The following ZNF516 variants were observed in gnomAD, a reference collection of about 807,000 sequenced individuals.
ZNF516 encodes zinc finger protein 516.
ZNF516 carries 19 observed loss-of-function variants against 79.7 expected under a neutral mutation model. The ratio of observed to expected loss-of-function variants is 0.24; its 90% CI spans 0.17 to 0.35. The LOEUF (loss-of-function observed/expected upper bound fraction) is 0.35. ZNF516 is among the 10% of genes least tolerant of loss of function. The pLI, the probability that ZNF516 is intolerant of heterozygous loss-of-function variation, is 1.00. For synonymous variants in ZNF516, 877 were observed against 739.5 expected (o/e 1.19, Z -3.02); for missense variants, 1,678 against 1,679.5 (o/e 1.00, Z 0.02).
At chr18:76,472,077 T>C (rs1259495559) in intron 1 of ZNF516, among the ~76,000 whole-genome samples, 1 of 152,104 alleles carries the variant, frequency 6.6e-6, no homozygotes, top group East Asian at 1.9e-4. Flanking sequence ...AGCCCAGAGC[T>C]CCATCCTCTT....
At chr18:76,489,660 T>C (rs1362488863) in intron 1 of ZNF516, among the ~76,000 whole-genome samples, 1 of 151,466 alleles carries the variant, frequency 6.6e-6, no homozygotes, top group Non-Finnish European at 1.5e-5. Context: ...TCTAAATTAG[T>C]AGACTCTGAA....
chr18:76,479,929 T>C (rs1424628275), intron 1 of ZNF516, among the ~76,000 whole-genome samples: 1 of 151,928 alleles, frequency 6.6e-6, no homozygotes, highest in Non-Finnish European at 1.5e-5. Context: ...CCAGAGACAG[T>C]TTTAAAGCAA....
intron 1 of ZNF516, among the ~76,000 whole-genome samples, chr18:76,468,183 G>T (rs1424489130): frequency 6.6e-6 from 1 of 152,170 alleles, no homozygotes. Flanking sequence ...TGTTTTTTAT[G>T]TTTATCTGAA....
intron 6 of ZNF516, among the ~76,000 whole-genome samples, chr18:76,365,061 C>T (rs1369996193): frequency 6.6e-6 from 1 of 152,192 alleles, no homozygotes; most frequent in Non-Finnish European, 1.5e-5. Flanking sequence ...ATAGATTATG[C>T]ATATATTCAA....
chr18:76,434,580 C>T (rs2075705316), intron 3 of ZNF516, among the ~76,000 whole-genome samples: 1 of 152,222 alleles, frequency 6.6e-6, no homozygotes, highest in Non-Finnish European at 1.5e-5. Flanking sequence ...GGAAACTCGG[C>T]ACACCCCACA....
chr18:76,422,345 G>A (rs778579557), intron 3 of ZNF516, among the ~76,000 whole-genome samples: 1 of 152,202 alleles, frequency 6.6e-6, no homozygotes, highest in Non-Finnish European at 1.5e-5. Context: ...CGGTCTCCAG[G>A]GGCCTGACGG....
Position 76,473,640 on chromosome 18 carries a change from A to C in ZNF516, c.-271-10499T>G, listed in dbSNP as rs533153591. Among the ~76,000 whole-genome samples the C allele has an allele frequency of 2.7e-4, 41 of 152,080 alleles. 1 individual carries two copies. In the East Asian group the frequency reaches 7.7e-3, roughly 29 times the overall value. ...CACGGTGAAACCCTGTCTCTACTAA[A>C]AATACAAAAAATTATCCAGGCTTGG... On this transcript the variant is annotated intron_variant, in intron 1 of 6. Coordinates refer to ENST00000443185, the MANE Select transcript of ZNF516 (RefSeq NM_014643.4).
chr18:76,384,460 C>A (rs1189932870), intron 3 of ZNF516, among the ~76,000 whole-genome samples: 1 of 134,836 alleles, frequency 7.4e-6, no homozygotes, highest in Non-Finnish European at 1.6e-5. Context: ...CCCCCCACGC[C>A]CCCACCACGA....
chr18:76,431,932 C>A (rs2075666692), intron 3 of ZNF516, among the ~76,000 whole-genome samples: 1 of 152,208 alleles, frequency 6.6e-6, no homozygotes, highest in East Asian at 1.9e-4. Flanking sequence ...CCCATGCATT[C>A]CGCCTCCAGG....
chr18:76,443,147 A>C lies in ZNF516; in HGVS notation c.-93T>G, dbSNP rs1440540195. 6.9e-6 allele frequency: 10 copies of C among 1,457,984 alleles called. No individual in the cohort carries two copies. The highest frequency in any genetic ancestry group is 9.0e-6 in the Non-Finnish European group (10 of 1,111,294). 90.3% of individuals were successfully genotyped at this position (1,457,984 alleles called of 1,614,324 possible). On this transcript the variant is annotated 5_prime_UTR_variant, in exon 3 of 7. Coordinates refer to ENST00000443185, the MANE Select transcript of ZNF516 (RefSeq NM_014643.4). Reference sequence around the variant, plus strand: ...ATCTCTCCATGGTCAGAAGAGCCAAAAGACGTGCCTGCTCCCAGGAGGTGC... The same window carrying C: ...ATCTCTCCATGGTCAGAAGAGCCAACAGACGTGCCTGCTCCCAGGAGGTGC...
rs953545953 is a variant in ZNF516, at chr18:76,451,294, T to G, written c.-157-8083A>C. 5.3e-5 allele frequency among the ~76,000 whole-genome samples: 8 copies of G among 152,248 alleles called. No homozygotes were observed. The East Asian group carries it at 1.5e-3, about 29-fold the overall frequency. ...TACTTATCCCCGTCTGCGTCCTCTC[T>G]GACCACCTTCCGGGGGCGGGGGGGG... On this transcript the variant is annotated intron_variant, in intron 2 of 6. Coordinates refer to ENST00000443185, the MANE Select transcript of ZNF516 (RefSeq NM_014643.4). The surrounding 1 kb of genome is among the most constrained non-coding windows in gnomAD (Gnocchi z 6.0).
At chr18:76,465,153 CAT>C (rs1913381973) in intron 1 of ZNF516, among the ~76,000 whole-genome samples, 4 of 152,274 alleles carry the variant, frequency 2.6e-5, no homozygotes, top group Admixed American at 6.5e-5. Flanking sequence ...GTGTCTTCAA[CAT>C]GTGTCAGTTT....
upstream of ZNF516, chr18:76,495,623 G>C (rs1844020365): frequency 1.5e-6 from 1 of 676,310 alleles, no homozygotes; most frequent in Non-Finnish European, 2.0e-6. Context: ...GTCGCCCCTC[G>C]TCAAGGTCTA....
chr18:76,494,164 A>G (rs1599178491), intron 1 of ZNF516, among the ~76,000 whole-genome samples: 1 of 151,994 alleles, frequency 6.6e-6, no homozygotes, highest in Non-Finnish European at 1.5e-5. Flanking sequence ...GCTTTTAAAT[A>G]CCCCACTCGG....
chr18:76,485,550 A>C (rs1211461884), intron 1 of ZNF516, among the ~76,000 whole-genome samples: 1 of 152,224 alleles, frequency 6.6e-6, no homozygotes, highest in Non-Finnish European at 1.5e-5. Flanking sequence ...ATTAAAGCCA[A>C]CAAGACTGAG....
chr18:76,470,889 C>T (rs1391257454), intron 1 of ZNF516, among the ~76,000 whole-genome samples: 2 of 152,046 alleles, frequency 1.3e-5, no homozygotes, highest in Non-Finnish European at 2.9e-5. Flanking sequence ...TGGTGGCAGG[C>T]GCCCGTAGTC....
intron 3 of ZNF516, among the ~76,000 whole-genome samples, chr18:76,414,340 T>C (rs146137074): frequency 6.6e-6 from 1 of 152,378 alleles, no homozygotes; most frequent in African/African-American, 2.4e-5. Flanking sequence ...CAGTTCCACG[T>C]GTTATTTTCC....
At chr18:76,437,900 C>T (rs1017652966) in intron 3 of ZNF516, among the ~76,000 whole-genome samples, 2 of 152,214 alleles carry the variant, frequency 1.3e-5, no homozygotes, top group African/African-American at 4.8e-5. Context: ...GTACTTGTAA[C>T]TTCCCACAAC....
chr18:76,442,944 G>A lies in ZNF516; in HGVS notation c.111C>T (p.Cys37=), dbSNP rs1911803862. 1 of 1,610,682 alleles carries A rather than the reference G, an allele frequency of 6.2e-7. No homozygotes were observed. Among genetic ancestry groups the A allele is most frequent in the African/African-American group, 1.3e-5 (1 of 75,062 alleles). ...GGAAGGGGAAGCTCTTGCCGCAGAT[G>A]CAGCAGGTGTGGCAGGTAGCCTTGT... The part of the protein sequence containing the change: ...DGDKATCHTC[C]ICGKSFPFQS... Residue 37 remains cysteine, a synonymous_variant, in exon 3 of 7, where the codon TGC becomes TGT. Coordinates refer to ENST00000443185, the MANE Select transcript of ZNF516 (RefSeq NM_014643.4).
Sources: gnomAD v4.1 joint callset for allele counts (sites outside exome capture counted in the v4.1 genomes callset) on GRCh38, gnomAD v4.1.1 for gene constraint, Gnocchi (gnomAD v3.1) non-coding constraint, MANE v1.5 for transcripts, NCBI Gene and HGNC (gene_info 2026-07-23, HGNC 2026-07-21) for gene names.